PBX1: variants seen among roughly 807,000 people sequenced by gnomAD.
PBX1 encodes the protein PBX homeobox 1.
Under a neutral mutation model 53.4 loss-of-function variants are expected in PBX1, and 6 were observed. That is an observed-to-expected ratio of 0.11 (90% CI 0.06 to 0.22). PBX1 has a LOEUF of 0.22. PBX1 is among the 10% of genes least tolerant of loss of function. The pLI is 1.00. For missense variants in PBX1, 251 were observed against 551.4 expected, an observed-to-expected ratio of 0.46 and a Z score of 5.46; for synonymous variants, 204 against 212.3, an observed-to-expected ratio of 0.96 and a Z score of 0.34.
chr1:164,690,431 G>A (rs1394332453), intron 2 of PBX1, among the ~76,000 whole-genome samples: 4 of 152,186 alleles, frequency 2.6e-5, no homozygotes, highest in African/African-American at 9.7e-5. Flanking sequence ...TGAAGCAACG[G>A]CTGCATGTGA....
intron 5 of PBX1, among the ~76,000 whole-genome samples, chr1:164,809,018 C>CA (rs547964420): frequency 6.1e-4 from 92 of 152,022 alleles, no homozygotes; most frequent in African/African-American, 2.2e-3. Context: ...CCCTTTTCCA[C>CA]AAAAAAGGGA....
Position 164,847,851 on chromosome 1 carries a change from C to T in PBX1, c.*1175C>T. On this transcript the variant is annotated 3_prime_UTR_variant, in exon 9 of 9. Coordinates refer to ENST00000420696, the MANE Select transcript of PBX1 (RefSeq NM_002585.4). The stretch of plus-strand genomic sequence containing the variant: ...ACTTACCAGAATGGCATACACAGGA[C>T]CTGATCATGAGGAAGACCAGGTTTC... 9.5e-7 allele frequency: 1 copy of T among 1,055,430 alleles called. No homozygotes were observed. The highest frequency in any genetic ancestry group is 1.1e-6 in the Non-Finnish European group (1 of 873,128). The allele number at this position is 1,055,430 out of a possible 1,614,324, so 65.4% of individuals were successfully genotyped here.
chr1:164,826,777 T>TA (rs1670487250), intron 8 of PBX1, among the ~76,000 whole-genome samples: 1 of 152,198 alleles, frequency 6.6e-6, no homozygotes, highest in South Asian at 2.1e-4. Flanking sequence ...TGTAAATAGA[T>TA]ACCCCTGTGG....
chr1:164,584,292 A>G (rs1654811187), intron 2 of PBX1, among the ~76,000 whole-genome samples: 1 of 152,028 alleles, frequency 6.6e-6, no homozygotes, highest in African/African-American at 2.4e-5. Context: ...ACTTGAGCAC[A>G]GGAGTTCTAG....
At chr1:164,603,929 A>ATTTTT (rs71583414) in intron 2 of PBX1, among the ~76,000 whole-genome samples, 6,153 of 75,224 alleles carry the variant, frequency 0.082, 1,614 homozygotes, top group African/African-American at 0.089. Flanking sequence ...ATGTCATTTC[A>ATTTTT]TTTTTTTTTT....
intron 2 of PBX1, among the ~76,000 whole-genome samples, chr1:164,862,124 G>T (rs1404794644): frequency 6.6e-6 from 1 of 152,176 alleles, no homozygotes; most frequent in South Asian, 2.1e-4. Flanking sequence ...CAGGGAAGCA[G>T]GTTTGGAAAT....
intron 2 of PBX1, among the ~76,000 whole-genome samples, chr1:164,719,845 T>C (rs896242335): frequency 1.3e-5 from 2 of 152,162 alleles, no homozygotes; most frequent in Admixed American, 1.3e-4. Flanking sequence ...CTGCTGGCCC[T>C]GTGACAGGTG....
At chr1:164,744,214 C>T (rs1254660722) in intron 2 of PBX1, among the ~76,000 whole-genome samples, 3 of 152,178 alleles carry the variant, frequency 2.0e-5, no homozygotes, top group Non-Finnish European at 2.9e-5. Context: ...AATTCAAAAT[C>T]ATGTGTCTGA....
chr1:164,750,258 A>G (rs890042429), intron 2 of PBX1, among the ~76,000 whole-genome samples: 2 of 151,422 alleles, frequency 1.3e-5, no homozygotes, highest in Admixed American at 1.3e-4. Context: ...GCATGTGTAT[A>G]TGTCTTTGTG....
chr1:164,858,349 C>T (rs966454253), intron 2 of PBX1, among the ~76,000 whole-genome samples: 5 of 151,998 alleles, frequency 3.3e-5, no homozygotes, highest in Non-Finnish European at 5.9e-5. Context: ...TATTTCTGCA[C>T]CTCAGCTCAA....
intron 2 of PBX1, among the ~76,000 whole-genome samples, chr1:164,576,389 C>T (rs1161640076): frequency 1.3e-5 from 2 of 152,292 alleles, no homozygotes; most frequent in East Asian, 3.9e-4. Context: ...CGGCCACTGC[C>T]CGGTCCGCCG....
chr1:164,708,483 A>G (rs924138713), intron 2 of PBX1, among the ~76,000 whole-genome samples: 25 of 152,096 alleles, frequency 1.6e-4, no homozygotes, highest in African/African-American at 5.3e-4. Context: ...TTGGGCTTCT[A>G]TTGAATCCCT....
In PBX1 at chr1:164,848,506, TG is replaced by T; in HGVS notation, c.*1832del. ...GTTCATGCCATCTAGGGACAATAAATGGTTTTCTTGTTGTAACTTCTGGTTA... is the reference window on the plus strand; with the variant it reads ...GTTCATGCCATCTAGGGACAATAAATGTTTTCTTGTTGTAACTTCTGGTTA... On this transcript the variant is annotated 3_prime_UTR_variant, in exon 9 of 9. Transcript: ENST00000420696. The T allele has an allele frequency of 9.4e-7, 1 of 1,058,980 alleles. No individual in the cohort carries two copies. The highest frequency in any genetic ancestry group is 5.4e-5 in the Admixed American group (1 of 18,498). 65.6% of individuals were successfully genotyped at this position (1,058,980 alleles called of 1,614,324 possible).
intron 2 of PBX1, among the ~76,000 whole-genome samples, chr1:164,647,199 C>T (rs563535702): frequency 6.6e-6 from 1 of 152,298 alleles, no homozygotes; most frequent in Admixed American, 6.5e-5. Flanking sequence ...TTCATGGCAC[C>T]TTCCCTTTCA....
chr1:164,623,548 A>G (rs1348691114), intron 2 of PBX1, among the ~76,000 whole-genome samples: 1 of 152,240 alleles, frequency 6.6e-6, no homozygotes, highest in Non-Finnish European at 1.5e-5. Flanking sequence ...CCAAGCAGCC[A>G]TCTCACTGCC....
intron 8 of PBX1, among the ~76,000 whole-genome samples, chr1:164,834,145 GC>G (rs1670912621): frequency 6.7e-6 from 1 of 148,604 alleles, no homozygotes; most frequent in Non-Finnish European, 1.5e-5. Context: ...TATCTCTGTG[GC>G]CTTGAGCTTG....
chr1:164,622,182 G>A (rs1031532296), intron 2 of PBX1, among the ~76,000 whole-genome samples: 6 of 152,202 alleles, frequency 3.9e-5, no homozygotes, highest in Non-Finnish European at 7.3e-5. Context: ...AGGAGAAGGC[G>A]TCTTGTTGGA....
chr1:164,620,083 C>T (rs1375050706), intron 2 of PBX1, among the ~76,000 whole-genome samples: 1 of 151,868 alleles, frequency 6.6e-6, no homozygotes, highest in Admixed American at 6.6e-5. Flanking sequence ...GTCCTAGCTA[C>T]TCAGGAGGCT....
intron 2 of PBX1, among the ~76,000 whole-genome samples, chr1:164,751,314 C>CA (rs527755578): frequency 0.11 from 8,749 of 78,712 alleles, 617 homozygotes; most frequent in African/African-American, 0.23. Flanking sequence ...GACTCTGTCT[C>CA]AAAAAAAAAA....
Sources: allele counts gnomAD v4.1 joint callset (sites outside exome capture counted in the v4.1 genomes callset), GRCh38; gene constraint gnomAD v4.1.1; transcripts MANE v1.5; gene names NCBI Gene and HGNC (gene_info 2026-07-23, HGNC 2026-07-21).